EYA1: variants seen among roughly 807,000 people sequenced by gnomAD.
EYA1 encodes the protein EYA transcriptional coactivator and phosphatase 1.
A neutral mutation model predicts 82.0 loss-of-function variants in EYA1; 16 were observed. The ratio of observed to expected loss-of-function variants is 0.20; its 90% CI spans 0.13 to 0.30. The LOEUF (loss-of-function observed/expected upper bound fraction) is 0.30, where lower values mean the gene tolerates loss of function less well. Among genes scored for constraint, EYA1 ranks in the 10% least tolerant of loss-of-function variants. The probability of loss-of-function intolerance (pLI) is 1.00; values close to 1 mark genes in which losing one functional copy is unlikely to be tolerated. For synonymous variants in EYA1, 261 were observed against 264.4 expected (o/e 0.99, Z 0.12); for missense variants, 633 against 730.7 (o/e 0.87, Z 1.54).
intron 2 of EYA1, among the ~76,000 whole-genome samples, chr8:71,393,708 G>C (rs1586618700): frequency 6.6e-6 from 1 of 152,164 alleles, no homozygotes; most frequent in Non-Finnish European, 1.5e-5. Context: ...ATGGACATTT[G>C]GGTTGGCTCC....
chr8:71,386,950 A>G lies in EYA1; in HGVS notation c.34-30439T>C, dbSNP rs186046290. On this transcript the variant is annotated intron_variant, in intron 2 of 18. Transcript: ENST00000643681. ...GTAGCTTTGTGAAATGGTTCTTAACATGGAATTTATTGAGCAGATGGGGGA... is the reference window on the plus strand; with the variant it reads ...GTAGCTTTGTGAAATGGTTCTTAACGTGGAATTTATTGAGCAGATGGGGGA... Among the ~76,000 whole-genome samples, 14 of 152,356 alleles carry G rather than the reference A, an allele frequency of 9.2e-5. No homozygotes were observed. The East Asian group carries it at 2.7e-3, about 29-fold the overall frequency.
chr8:71,230,475 A>G (rs1811063647), intron 12 of EYA1, among the ~76,000 whole-genome samples: 2 of 152,206 alleles, frequency 1.3e-5, no homozygotes, highest in African/African-American at 4.8e-5. Flanking sequence ...AGGCACCACT[A>G]TGCTGCAGGC....
At position 71,205,275 on chromosome 8, in the gene EYA1, G is replaced by C. The variant is rs920047175; in HGVS notation, c.1699-5855C>G. On this transcript the variant is annotated intron_variant, in intron 17 of 17. Transcript: ENST00000340726. ...TCTCTGAAAATAATTTATTAACAAGGCCACTTTTACTACTCTAGAAATGAA... is the reference window on the plus strand; with the variant it reads ...TCTCTGAAAATAATTTATTAACAAGCCCACTTTTACTACTCTAGAAATGAA... Among the ~76,000 whole-genome samples the C allele has an allele frequency of 7.2e-5, 11 of 152,052 alleles. No individual in the cohort carries two copies. In the South Asian group the frequency reaches 2.3e-3, roughly 32 times the overall value.
At chr8:71,423,635 G>T (rs887666826) in intron 2 of EYA1, among the ~76,000 whole-genome samples, 2 of 152,046 alleles carry the variant, frequency 1.3e-5, no homozygotes, top group Non-Finnish European at 2.9e-5. Context: ...GACCGATAAG[G>T]GTAAGGAGAG....
intron 12 of EYA1, among the ~76,000 whole-genome samples, chr8:71,225,687 C>G (rs1410544830): frequency 4.6e-5 from 7 of 152,018 alleles, no homozygotes; most frequent in Non-Finnish European, 7.3e-5. Context: ...AATAGGATGA[C>G]ACAACTATAC....
At chr8:71,476,599 C>T (rs1486609651) in intron 2 of EYA1, among the ~76,000 whole-genome samples, 1 of 151,990 alleles carries the variant, frequency 6.6e-6, no homozygotes, top group East Asian at 1.9e-4. Flanking sequence ...GAAAGACATT[C>T]CATGCTCATG....
chr8:71,250,020 T>C (rs1309792379), intron 11 of EYA1, among the ~76,000 whole-genome samples: 1 of 152,078 alleles, frequency 6.6e-6, no homozygotes, highest in Admixed American at 6.5e-5. Flanking sequence ...GTCATTGCCA[T>C]TGTTCTTTGC....
intron 9 of EYA1, among the ~76,000 whole-genome samples, chr8:71,294,386 G>A (rs932719671): frequency 2.6e-5 from 4 of 152,068 alleles, no homozygotes; most frequent in African/African-American, 9.7e-5. Context: ...GTGAACCCCG[G>A]GGGGCGGAGC....
Position 71,299,131 on chromosome 8 carries a change from T to C in EYA1, c.742A>G (p.Thr248Ala), listed in dbSNP as rs1296125164. Residue 248 changes from threonine (T) to alanine (A), a missense_variant, in exon 9 of 18, where the codon ACG (threonine) becomes GCG (alanine). Coordinates refer to ENST00000340726, the MANE Select transcript of EYA1 (RefSeq NM_000503.6). The part of the protein sequence containing the change: ...HYMTSSNTSP[T>A]TPSTNATYQL... ...TAAGTGGCATTGGTGGATGGTGTCGTTGGGCTGGTGTTGCTGCTGGTCATA... is the reference window on the plus strand; with the variant it reads ...TAAGTGGCATTGGTGGATGGTGTCGCTGGGCTGGTGTTGCTGCTGGTCATA... 5 of 1,614,018 alleles carry C rather than the reference T, an allele frequency of 3.1e-6. No homozygotes were observed. The highest frequency in any genetic ancestry group is 4.2e-6 in the Non-Finnish European group (5 of 1,180,010).
intron 3 of EYA1, chr8:71,334,428 ATT>A (rs1586423641): frequency 2.0e-6 from 1 of 504,330 alleles, no homozygotes; most frequent in Non-Finnish European, 3.6e-6. Flanking sequence ...TAAATTCATC[ATT>A]GTTTTACATA....
At chr8:71,285,359 A>G (rs188140728) in intron 9 of EYA1, among the ~76,000 whole-genome samples, 1 of 152,364 alleles carries the variant, frequency 6.6e-6, no homozygotes, top group African/African-American at 2.4e-5. Flanking sequence ...AGAGACTCCA[A>G]GCAAATCCTG....
At chr8:71,335,789 C>T (rs974135736) in intron 3 of EYA1, among the ~76,000 whole-genome samples, 3 of 151,918 alleles carry the variant, frequency 2.0e-5, no homozygotes, top group Admixed American at 6.6e-5. Flanking sequence ...CATACCTTAC[C>T]TCCTTAAAAA....
intron 12 of EYA1, among the ~76,000 whole-genome samples, chr8:71,240,794 T>A (rs1285236821): frequency 6.6e-6 from 1 of 152,252 alleles, no homozygotes; most frequent in East Asian, 1.9e-4. Context: ...GCAGGAGAAC[T>A]GACCAGCAGC....
At chr8:71,476,731 A>T (rs1345329112) in intron 2 of EYA1, among the ~76,000 whole-genome samples, 1 of 152,116 alleles carries the variant, frequency 6.6e-6, no homozygotes, top group Non-Finnish European at 1.5e-5. Context: ...TTGTTCCTAA[A>T]ATTCAAATGG....
intron 1 of EYA1, chr8:71,547,386 T>G (rs1228054022): frequency 1.3e-5 from 2 of 152,348 alleles, no homozygotes; most frequent in Non-Finnish European, 2.9e-5. Context: ...AACCGGCCCT[T>G]GACACATCCC....
intron 2 of EYA1, among the ~76,000 whole-genome samples, chr8:71,459,036 G>T (rs1196727870): frequency 2.0e-5 from 3 of 152,102 alleles, no homozygotes. Flanking sequence ...AGGTTGGGAA[G>T]GGACTGGTGT....
chr8:71,277,481 C>T (rs1013893936), intron 9 of EYA1, among the ~76,000 whole-genome samples: 1 of 152,114 alleles, frequency 6.6e-6, no homozygotes, highest in Non-Finnish European at 1.5e-5. Context: ...TCCTTACCCT[C>T]TCCGCTGTCT....
rs202045488 is a variant in EYA1, at chr8:71,208,738, A to G, written c.1698+2418T>C. On this transcript the variant is annotated intron_variant, in intron 17 of 17. Transcript: ENST00000340726. ...GAACTTAAAGTATAATAAAAAAAAG[A>G]AAAAAAAATCTTAACTGCTCTTCAA... Among the ~76,000 whole-genome samples the G allele has an allele frequency of 3.3e-4, 16 of 48,618 alleles. No homozygotes were observed. In the East Asian group the frequency reaches 0.039, roughly 120 times the overall value. 31.9% of individuals were successfully genotyped at this position (48,618 alleles called of 152,430 possible).
chr8:71,376,562 G>A (rs906884957), intron 2 of EYA1, among the ~76,000 whole-genome samples: 1 of 152,156 alleles, frequency 6.6e-6, no homozygotes, highest in African/African-American at 2.4e-5. Context: ...GGTGAAAGGA[G>A]TGTAATCTGA....
Sources: allele counts gnomAD v4.1 joint callset (sites outside exome capture counted in the v4.1 genomes callset), GRCh38; gene constraint gnomAD v4.1.1; transcripts MANE v1.5; gene names NCBI Gene and HGNC (gene_info 2026-07-23, HGNC 2026-07-21).